EPHA6: variants seen among roughly 807,000 people sequenced by gnomAD.
The protein encoded by EPHA6 is EPH receptor A6.
In EPHA6, 50 loss-of-function variants were observed where a neutral mutation model predicts 112.0. The observed-to-expected ratio is 0.45, with a 90% CI of 0.36 to 0.56. EPHA6 has a LOEUF of 0.56. EPHA6 is among the 20% of genes least tolerant of loss of function. The probability of loss-of-function intolerance (pLI) is 0.00; values close to 1 mark genes in which losing one functional copy is unlikely to be tolerated. For missense variants in EPHA6, 1,280 were observed against 1,417.4 expected (o/e 0.90, Z 1.56); for synonymous variants, 529 against 490.7 (o/e 1.08, Z -1.03).
intron 3 of EPHA6, among the ~76,000 whole-genome samples, chr3:97,154,899 A>G (rs1165330730): frequency 6.6e-6 from 1 of 152,188 alleles, no homozygotes; most frequent in Non-Finnish European, 1.5e-5. Flanking sequence ...TACTTTATTC[A>G]CATTTTAGAC....
At chr3:97,356,299 T>C (rs1203574947) in intron 5 of EPHA6, among the ~76,000 whole-genome samples, 1 of 152,186 alleles carries the variant, frequency 6.6e-6, no homozygotes, top group African/African-American at 2.4e-5. Context: ...TACATTATGG[T>C]GAGCTGTATA....
At chr3:97,552,633 G>A (rs1205585826) in intron 11 of EPHA6, among the ~76,000 whole-genome samples, 1 of 152,104 alleles carries the variant, frequency 6.6e-6, no homozygotes, top group Admixed American at 6.6e-5. Context: ...TTAGAACCTT[G>A]ATAAGCCAAT....
At chr3:97,249,037 T>C (rs2079060173) in intron 5 of EPHA6, among the ~76,000 whole-genome samples, 1 of 148,136 alleles carries the variant, frequency 6.8e-6, no homozygotes, top group African/African-American at 2.6e-5. Flanking sequence ...TATGCAATAC[T>C]ATTCAAAGTA....
chr3:97,146,915 G>T (rs540183568), intron 3 of EPHA6, among the ~76,000 whole-genome samples: 3 of 150,770 alleles, frequency 2.0e-5, no homozygotes, highest in South Asian at 2.1e-4. Flanking sequence ...GATGTAAATT[G>T]CTCTTTTAAT....
intron 3 of EPHA6, among the ~76,000 whole-genome samples, chr3:97,106,843 A>G (rs921541218): frequency 2.0e-5 from 3 of 151,892 alleles, no homozygotes; most frequent in African/African-American, 4.8e-5. Flanking sequence ...GGCAAGCTAC[A>G]CTCCCATCAC....
chr3:97,720,264 G>A lies in EPHA6; in HGVS notation c.2788G>A (p.Gly930Arg). 6.3e-7 allele frequency: 1 copy of A among 1,576,996 alleles called. No individual in the cohort carries two copies. Among genetic ancestry groups the A allele is most frequent in the East Asian group, 2.3e-5 (1 of 43,378 alleles). Residue 930 changes from glycine (G) to arginine (R), a missense_variant, in exon 15 of 18, where the codon GGA (glycine) becomes AGA (arginine). Gly to Arg is a moderately radical substitution (Grantham distance 125, BLOSUM62 -2). Around this residue, in one of 4 missense-constraint regions of EPHA6, gnomAD observed 878 missense variants for 999.7 expected, o/e 0.88. Coordinates refer to ENST00000389672, the MANE Select transcript of EPHA6 (RefSeq NM_001080448.3). ...DPEAAYTTTG[G>R]KIPIRWTAPE... ...AAATCTCCAATTTGTTTTCCAGGGT[G>A]GAAAAATCCCCATAAGGTGGACAGC...
chr3:97,060,923 CAAAAAAAAAAAAAAAA>C (rs71623565), intron 3 of EPHA6, among the ~76,000 whole-genome samples: 1 of 21,224 alleles, frequency 4.7e-5, no homozygotes, highest in Non-Finnish European at 1.1e-4. Flanking sequence ...GACTCCGTCT[CAAAAAAAAAAAAAAAA>C]AAAAAAAAAA....
chr3:97,751,545 G>A lies in EPHA6; in HGVS notation c.*2844G>A, dbSNP rs2035901260. On this transcript the variant is annotated 3_prime_UTR_variant, in exon 18 of 18. Coordinates refer to ENST00000389672, the MANE Select transcript of EPHA6 (RefSeq NM_001080448.3). ...TAAGGATTTACTATAAGGATTTACT[G>A]CCTACCAATCATGGACCCCATGATC... is the stretch of plus-strand genomic sequence containing the variant. Among the ~76,000 whole-genome samples the A allele has an allele frequency of 6.6e-6, 1 of 152,004 alleles. No homozygotes were observed. Among genetic ancestry groups the A allele is most frequent in the South Asian group, 2.1e-4 (1 of 4,824 alleles).
At chr3:97,424,697 T>G (rs527872521) in intron 6 of EPHA6, among the ~76,000 whole-genome samples, 1 of 151,554 alleles carries the variant, frequency 6.6e-6, no homozygotes, top group East Asian at 2.0e-4. Flanking sequence ...TCCCAGCTAC[T>G]TGGGAGGCTG....
chr3:97,617,399 G>A lies in EPHA6; in HGVS notation c.2574+6545G>A, dbSNP rs145152547. Among the ~76,000 whole-genome samples the A allele has an allele frequency of 2.2e-3, 329 of 152,146 alleles. 1 individual carries two copies. Among genetic ancestry groups the A allele is most frequent in the Non-Finnish European group, 3.6e-3 (247 of 67,984 alleles). On this transcript the variant is annotated intron_variant, in intron 13 of 17. Transcript: ENST00000389672. ...CTGCAAAATAATTAGCTAGCATCAC[G>A]ATGTCAGGATCAAATCCACACATAA...
intron 2 of EPHA6, among the ~76,000 whole-genome samples, chr3:96,899,897 T>C (rs2038509561): frequency 6.6e-6 from 1 of 152,182 alleles, no homozygotes; most frequent in South Asian, 2.1e-4. Flanking sequence ...AGATGTGACC[T>C]CTAACAGCCT....
chr3:97,030,979 G>C (rs1038223238), intron 3 of EPHA6, among the ~76,000 whole-genome samples: 1 of 151,984 alleles, frequency 6.6e-6, no homozygotes, highest in Non-Finnish European at 1.5e-5. Flanking sequence ...AATACCGATT[G>C]ATCATAATTA....
chr3:97,067,670 G>A (rs1336605146), intron 3 of EPHA6, among the ~76,000 whole-genome samples: 1 of 151,988 alleles, frequency 6.6e-6, no homozygotes, highest in Non-Finnish European at 1.5e-5. Context: ...ACATTAAAGA[G>A]GAGCAATTTT....
intron 5 of EPHA6, among the ~76,000 whole-genome samples, chr3:97,289,521 T>G (rs767610670): frequency 6.6e-6 from 1 of 152,162 alleles, no homozygotes; most frequent in Non-Finnish European, 1.5e-5. Flanking sequence ...GTGATGCTTC[T>G]GGCTTTGTTC....
chr3:97,050,740 AT>A (rs2045659236), intron 3 of EPHA6, among the ~76,000 whole-genome samples: 2 of 152,090 alleles, frequency 1.3e-5, no homozygotes, highest in Non-Finnish European at 2.9e-5. Context: ...ATGATTATTT[AT>A]TTGTTTATTT....
At chr3:97,135,878 G>C (rs547490683) in intron 3 of EPHA6, among the ~76,000 whole-genome samples, 6 of 150,520 alleles carry the variant, frequency 4.0e-5, no homozygotes, top group Non-Finnish European at 8.9e-5. Flanking sequence ...ACACACACAC[G>C]CACCAGCAAG....
intron 3 of EPHA6, among the ~76,000 whole-genome samples, chr3:97,085,643 T>G (rs1356684599): frequency 1.3e-5 from 2 of 152,058 alleles, no homozygotes; most frequent in Non-Finnish European, 2.9e-5. Flanking sequence ...CCAAAAGAAT[T>G]TACTACAAAT....
At chr3:97,547,716 C>T (rs754209098) in intron 11 of EPHA6, among the ~76,000 whole-genome samples, 20 of 152,208 alleles carry the variant, frequency 1.3e-4, no homozygotes, top group Non-Finnish European at 2.4e-4. Context: ...CCACCCAGTT[C>T]GAGCTTCCCA....
At chr3:97,411,018 A>G (rs1241332878) in intron 6 of EPHA6, among the ~76,000 whole-genome samples, 1 of 151,926 alleles carries the variant, frequency 6.6e-6, no homozygotes, top group Non-Finnish European at 1.5e-5. Flanking sequence ...AATTTTGGAT[A>G]CAATTCAGTG....
Sources: allele counts gnomAD v4.1 joint callset (sites outside exome capture counted in the v4.1 genomes callset), GRCh38; gene constraint gnomAD v4.1.1; regional missense constraint gnomAD v4.1.1; transcripts MANE v1.5; gene names NCBI Gene and HGNC (gene_info 2026-07-23, HGNC 2026-07-21).